Variants in SLC25A18 observed in about 807,000 individuals in gnomAD.
The protein encoded by SLC25A18 is solute carrier family 25 member 18.
SLC25A18 carries 24 observed loss-of-function variants against 31.1 expected under a neutral mutation model. The ratio of observed to expected loss-of-function variants is 0.77; its 90% CI spans 0.56 to 1.08. The LOEUF (loss-of-function observed/expected upper bound fraction) is 1.08, where lower values mean the gene tolerates loss of function less well. SLC25A18 is among the 50% of genes least tolerant of loss of function. The pLI is 0.00. For synonymous variants in SLC25A18, 173 were observed against 161.9 expected (o/e 1.07, Z -0.52); for missense variants, 371 against 418.5 (o/e 0.89, Z 0.99).
chr22:17,571,921 G>A (rs954432503), intron 2 of SLC25A18, among the ~76,000 whole-genome samples: 22 of 152,200 alleles, frequency 1.4e-4, no homozygotes, highest in Non-Finnish European at 2.1e-4. Context: ...GGAGGCTGAG[G>A]CAGGAGAATC....
intron 7 of SLC25A18, among the ~76,000 whole-genome samples, chr22:17,586,354 C>T (rs1377960183): frequency 6.7e-6 from 1 of 149,812 alleles, no homozygotes; most frequent in Admixed American, 6.6e-5. Flanking sequence ...ACTAAAAATA[C>T]AAAAATCAGC....
chr22:17,589,545 G>A (rs760216483), intron 9 of SLC25A18, 45 bp from the exon 10 acceptor site: 77 of 1,570,254 alleles, frequency 4.9e-5, no homozygotes, highest in Non-Finnish European at 6.2e-5. Context: ...GGAGGACACC[G>A]AAAGTAAGCT....
In SLC25A18 at chr22:17,587,246, C is replaced by T. The variant is rs2057576454; in HGVS notation, c.520C>T (p.Leu174Phe). 1 of 1,613,930 alleles carries T rather than the reference C, an allele frequency of 6.2e-7. No homozygotes were observed. The highest frequency in any genetic ancestry group is 1.1e-5 in the South Asian group (1 of 91,086). ...PSATLIAWEL[L>F]RTQGLAGLYR... The stretch of plus-strand genomic sequence containing the variant: ...TGCCACCCTCATTGCCTGGGAGCTG[C>T]TCCGCACTCAGGGCCTGGCTGGGCT... The change falls in exon 8 of 11, where the codon CTC becomes TTC. Residue 174 changes from leucine to phenylalanine, a missense_variant. Coordinates refer to ENST00000327451, the MANE Select transcript of SLC25A18 (RefSeq NM_031481.3).
intron 7 of SLC25A18, 63 bp downstream of exon 7, chr22:17,583,597 C>G (rs1391216624): frequency 6.4e-7 from 1 of 1,569,196 alleles, no homozygotes; most frequent in African/African-American, 1.4e-5. Context: ...CAGGCACATC[C>G]CACATCCCAA....
chr22:17,584,131 C>T (rs1220891426), intron 7 of SLC25A18: 5 of 968,894 alleles, frequency 5.2e-6, no homozygotes, highest in African/African-American at 3.5e-5. Flanking sequence ...CCGTGGCTCA[C>T]GCCTGTAATC....
At chr22:17,584,695 G>C (rs1171792974) in intron 7 of SLC25A18, among the ~76,000 whole-genome samples, 1 of 137,926 alleles carries the variant, frequency 7.3e-6, no homozygotes, top group South Asian at 2.3e-4. Context: ...CAGGAGAATC[G>C]CTTGAACACA....
At chr22:17,573,527 A>G in intron 2 of SLC25A18, among the ~76,000 whole-genome samples, 1 of 152,206 alleles carries the variant, frequency 6.6e-6, no homozygotes, top group African/African-American at 2.4e-5. Context: ...GGACTAGCCC[A>G]AGGCCAGCCA....
Position 17,590,176 on chromosome 22 carries a change from G to T in SLC25A18, c.888G>T (p.Gly296=), listed in dbSNP as rs779373422. 6.2e-7 allele frequency: 1 copy of T among 1,614,124 alleles called. No individual in the cohort carries two copies. Among genetic ancestry groups the T allele is most frequent in the African/African-American group, 1.3e-5 (1 of 74,942 alleles). The change falls in exon 11 of 11, where the codon GGG becomes GGT. Residue 296 remains glycine, a synonymous_variant. Transcript: ENST00000327451. ...CRALVIAPLF[G]IAQGVYFIGI... is the part of the protein sequence containing the mutation. ...CACTGGTCATAGCACCTCTCTTTGG[G>T]ATTGCTCAAGGGGTCTATTTTATTG...
chr22:17,588,161 CCA>C (rs762747825), intron 9 of SLC25A18, 82 bp downstream of exon 9: 4 of 1,535,328 alleles, frequency 2.6e-6, no homozygotes, highest in Non-Finnish European at 3.5e-6. Flanking sequence ...ACCCTGGAAG[CCA>C]TACTGGGTTG....
intron 5 of SLC25A18, 137 bp downstream of exon 5, chr22:17,581,550 T>C (rs1336280049): frequency 6.4e-6 from 6 of 944,370 alleles, no homozygotes; most frequent in Non-Finnish European, 9.6e-6. Flanking sequence ...CTCTGTGCTC[T>C]TGGGTGGAGA....
chr22:17,582,372 T>C (rs1002595663), intron 5 of SLC25A18, 191 bp from the exon 6 acceptor site: 2 of 471,694 alleles, frequency 4.2e-6, no homozygotes, highest in Admixed American at 3.7e-5. Flanking sequence ...CGAGACTCCA[T>C]CTAAAAAAAA....
In SLC25A18 at chr22:17,590,212, G is replaced by A; in HGVS notation, c.924G>A (p.Glu308=). 6.2e-7 allele frequency: 1 copy of A among 1,614,246 alleles called. No homozygotes were observed. The highest frequency in any genetic ancestry group is 8.5e-7 in the Non-Finnish European group (1 of 1,180,050). ...AQGVYFIGIG[E]RILKCFD ...GGGTCTATTTTATTGGGATTGGAGA[G>A]CGCATCTTAAAGTGTTTTGACTAGA... Residue 308 remains glutamate (E), a synonymous_variant, in exon 11 of 11, where the codon GAG becomes GAA. Coordinates refer to ENST00000327451, the MANE Select transcript of SLC25A18 (RefSeq NM_031481.3).
intron 2 of SLC25A18, among the ~76,000 whole-genome samples, 179 bp from the exon 3 acceptor site, chr22:17,579,566 C>T (rs2057318694): frequency 6.6e-6 from 1 of 152,204 alleles, no homozygotes; most frequent in African/African-American, 2.4e-5. Context: ...CCTTCTCTCT[C>T]ATTCCCCTTC....
At chr22:17,583,215 A>G (rs2074343) in intron 6 of SLC25A18, among the ~76,000 whole-genome samples, 2,905 of 152,168 alleles carry the variant, frequency 0.019, 231 homozygotes, top group Admixed American at 0.14. Flanking sequence ...ATGCGGTGCT[A>G]CCTCCCTAGC....
Position 17,590,298 on chromosome 22 carries a change from A to T in SLC25A18, c.*62A>T. On this transcript the variant is annotated 3_prime_UTR_variant, in exon 11 of 11. Transcript: ENST00000327451. Reference sequence around the variant, plus strand: ...TCTCTCTAGCTGTTTCACTTAGCCTAGAGGGGGCAAGGGCAGGTGGGGCCA... The same window carrying T: ...TCTCTCTAGCTGTTTCACTTAGCCTTGAGGGGGCAAGGGCAGGTGGGGCCA... 6.2e-7 allele frequency: 1 copy of T among 1,605,500 alleles called. No individual in the cohort carries two copies. Among genetic ancestry groups the T allele is most frequent in the Non-Finnish European group, 8.5e-7 (1 of 1,174,720 alleles).
At chr22:17,572,347 T>C (rs1423543814) in intron 2 of SLC25A18, among the ~76,000 whole-genome samples, 6 of 150,186 alleles carry the variant, frequency 4.0e-5, no homozygotes, top group Non-Finnish European at 8.8e-5. Flanking sequence ...TAGGTGGGCA[T>C]GCTGGCGCAT....
At chr22:17,571,511 G>A (rs2146213868) in intron 2 of SLC25A18, among the ~76,000 whole-genome samples, 1 of 152,196 alleles carries the variant, frequency 6.6e-6, no homozygotes, top group South Asian at 2.1e-4. Context: ...CAGTGGCTCA[G>A]GCCTGTAATT....
rs34120048 is a variant in SLC25A18 at position 17,587,098 on chromosome 22, TG to T, written c.410-34del. The T allele has an allele frequency of 1.4e-5, 22 of 1,605,120 alleles. 1 individual carries two copies. In the South Asian group the frequency reaches 2.3e-4, roughly 17 times the overall value. On this transcript the variant is annotated intron_variant, in intron 7 of 10. Transcript: ENST00000327451. ...CTCAGGAGTGTTTCGTAGCATCTGT[TG>T]GGGACCAGGTACTGATGTCTGTCCT... is the stretch of plus-strand genomic sequence containing the variant.
intron 2 of SLC25A18, among the ~76,000 whole-genome samples, chr22:17,572,354 G>A (rs188154192): frequency 2.0e-5 from 3 of 149,958 alleles, no homozygotes; most frequent in Admixed American, 6.6e-5. Flanking sequence ...GCATGCTGGC[G>A]CATGCCTGTA....
Sources: allele counts gnomAD v4.1 joint callset (sites outside exome capture counted in the v4.1 genomes callset), GRCh38; gene constraint gnomAD v4.1.1; transcripts MANE v1.5; gene names NCBI Gene and HGNC (gene_info 2026-07-23, HGNC 2026-07-21).